Variants in LRRFIP1 observed in about 807,000 individuals in gnomAD.
The protein encoded by LRRFIP1 is LRR binding FLII interacting protein 1, also known as leucine-rich repeat flightless-interacting protein 1.
Under a neutral mutation model 104.4 loss-of-function variants are expected in LRRFIP1, and 62 were observed. The ratio of observed to expected loss-of-function variants is 0.59; its 90% CI spans 0.48 to 0.73. LRRFIP1 has a LOEUF of 0.73. Ranked by LOEUF, LRRFIP1 falls within the 30% of genes least tolerant of loss-of-function variation. The pLI is 0.00. For synonymous variants in LRRFIP1, 300 were observed against 299.0 expected, an observed-to-expected ratio of 1.00 and a Z score of -0.03; for missense variants, 796 against 824.5, an observed-to-expected ratio of 0.97 and a Z score of 0.42.
At chr2:237,686,430 T>A (rs4663783) in intron 1 of LRRFIP1, among the ~76,000 whole-genome samples, 102,269 of 152,212 alleles carry the variant, frequency 0.67, 35,907 homozygotes, top group Middle Eastern at 0.84. Context: ...ATACTGAAGA[T>A]CAATGAGAAT....
chr2:237,751,338 C>T (rs2058606617), intron 14 of LRRFIP1, 67 bp downstream of exon 14: 2 of 1,250,186 alleles, frequency 1.6e-6, no homozygotes, highest in Admixed American at 4.7e-5. Context: ...AAAACAACAT[C>T]CTAAAGAAGA....
Position 237,723,595 on chromosome 2 carries a change from G to T in LRRFIP1, c.384+9G>T, listed in dbSNP as rs1457922461. On this transcript the variant is annotated intron_variant, in intron 7 of 23. Coordinates refer to ENST00000308482, the MANE Select transcript of LRRFIP1 (RefSeq NM_001137550.2). ...GGGGTCCTTACGCCTGGGTGAGATG[G>T]TCGGATATACTTTGCTGTGTGACCT... 6.2e-7 allele frequency: 1 copy of T among 1,613,934 alleles called. No individual in the cohort carries two copies. Among genetic ancestry groups the T allele is most frequent in the East Asian group, 2.2e-5 (1 of 44,884 alleles).
At position 237,758,858 on chromosome 2, in the gene LRRFIP1, GA is replaced by G. The variant is rs3215064; in HGVS notation, c.1317+45del. Reference sequence around the variant, plus strand: ...AACTACAGTTTTATTTAAAAAAAAAGAAAAAAAATCCAGGTGACAACAGCAA... The same window carrying G: ...AACTACAGTTTTATTTAAAAAAAAAGAAAAAAATCCAGGTGACAACAGCAA... On this transcript the variant is annotated intron_variant, in intron 18 of 23. Transcript: ENST00000308482. 6.8e-6 allele frequency: 10 copies of G among 1,475,164 alleles called. No homozygotes were observed. In the African/African-American group the frequency reaches 1.4e-4, roughly 21 times the overall value. 91.4% of individuals were successfully genotyped at this position (1,475,164 alleles called of 1,614,324 possible). A position where few individuals can be genotyped will look rare whatever the true frequency, so the allele number is the denominator to read the frequency against.
intron 10 of LRRFIP1, among the ~76,000 whole-genome samples, chr2:237,736,860 C>T (rs1362690378): frequency 6.8e-4 from 103 of 152,198 alleles, no homozygotes; most frequent in Non-Finnish European, 8.8e-5. Flanking sequence ...CCATCGTTTC[C>T]CTGGAACCCT....
In LRRFIP1 at chr2:237,703,201, A is replaced by AGTCTC; in HGVS notation, c.97-5337_97-5333dup. Among the ~76,000 whole-genome samples the AGTCTC allele has an allele frequency of 6.6e-6, 1 of 152,290 alleles. No individual in the cohort carries two copies. Among genetic ancestry groups the AGTCTC allele is most frequent in the East Asian group, 1.9e-4 (1 of 5,178 alleles). Reference sequence around the variant, plus strand: ...CCTGCAGGCCGTCTGGGGTATGCACAGTCTCGTCTCCTGAGTTCTCTGAAG... The same window carrying AGTCTC: ...CCTGCAGGCCGTCTGGGGTATGCACAGTCTCGTCTCGTCTCCTGAGTTCTCTGAAG... On this transcript the variant is annotated intron_variant, in intron 1 of 23. Coordinates refer to ENST00000308482, the MANE Select transcript of LRRFIP1 (RefSeq NM_001137550.2). This position sits in a 1 kb window ranked among gnomAD's most constrained non-coding sequence, Gnocchi z 4.3.
chr2:237,651,983 G>T (rs35292132), intron 1 of LRRFIP1, among the ~76,000 whole-genome samples: 20,312 of 152,252 alleles, frequency 0.13, 1,870 homozygotes, highest in Non-Finnish European at 0.21. Context: ...AGATTCTGGC[G>T]TACCTTTTGC....
At chr2:237,754,312 GAGAT>G (rs2059015315) in intron 15 of LRRFIP1, among the ~76,000 whole-genome samples, 1 of 152,198 alleles carries the variant, frequency 6.6e-6, no homozygotes, top group African/African-American at 2.4e-5. Context: ...CTCAGAGAGA[GAGAT>G]AGTCTTATCT....
intron 13 of LRRFIP1, among the ~76,000 whole-genome samples, chr2:237,750,146 C>CG (rs1332821678): frequency 4.6e-5 from 7 of 152,030 alleles, no homozygotes; most frequent in Admixed American, 2.6e-4. Context: ...CCAGGGAGGA[C>CG]GGAGAGGGAT....
Position 237,661,635 on chromosome 2 carries a change from C to G in LRRFIP1, c.96+33895C>G, listed in dbSNP as rs187892504. On this transcript the variant is annotated intron_variant, in intron 1 of 23. Transcript: ENST00000308482. This position sits in a 1 kb window ranked among gnomAD's most constrained non-coding sequence, Gnocchi z 4.4. Reference sequence around the variant, plus strand: ...CTGTCGATGGAATTTTTCAGTGATACCTAACATCTGTCCCAGAGCCATGCA... The same window carrying G: ...CTGTCGATGGAATTTTTCAGTGATAGCTAACATCTGTCCCAGAGCCATGCA... Among the ~76,000 whole-genome samples the G allele has an allele frequency of 5.3e-5, 8 of 152,308 alleles. No homozygotes were observed. Among genetic ancestry groups the G allele is most frequent in the Non-Finnish European group, 1.0e-4 (7 of 68,024 alleles).
In LRRFIP1 at chr2:237,720,799, G is replaced by A. The variant is rs1193831587; in HGVS notation, c.322G>A (p.Val108Met). 6.2e-7 allele frequency: 1 copy of A among 1,614,158 alleles called. No homozygotes were observed. The highest frequency in any genetic ancestry group is 1.7e-5 in the Admixed American group (1 of 60,028). Residue 108 changes from valine to methionine, a missense_variant, in exon 6 of 24, where the codon GTG becomes ATG. By Grantham distance (21) the Val-to-Met change is conservative (BLOSUM62 1). Coordinates refer to ENST00000308482, the MANE Select transcript of LRRFIP1 (RefSeq NM_001137550.2). ...TTCTGATGAAGACGAGCGCATGTCA[G>A]TGGGTAGTCGTGGAAGCCTGAGGGT... ...SASDEDERMSVGSRGSLRSQP... is the reference protein window; with the variant it reads ...SASDEDERMSMGSRGSLRSQP...
chr2:237,768,006 T>C (rs1166637806), intron 19 of LRRFIP1, among the ~76,000 whole-genome samples: 5 of 152,214 alleles, frequency 3.3e-5, no homozygotes, highest in African/African-American at 1.2e-4. Context: ...CTCTTAAATA[T>C]TTTTCAACAT....
chr2:237,640,919 G>A (rs908569611), intron 1 of LRRFIP1, among the ~76,000 whole-genome samples: 1 of 152,150 alleles, frequency 6.6e-6, no homozygotes, highest in Admixed American at 6.5e-5. Flanking sequence ...ATCTCAGCCT[G>A]CTGGGATGGG....
chr2:237,636,284 TTCTG>T (rs1387006567), intron 1 of LRRFIP1, among the ~76,000 whole-genome samples: 4 of 151,256 alleles, frequency 2.6e-5, no homozygotes, highest in African/African-American at 7.3e-5. Flanking sequence ...ATTTTTTCTG[TTCTG>T]TCTTACAGTA....
chr2:237,753,504 G>A (rs751692574), intron 15 of LRRFIP1, 25 bp downstream of exon 15: 3 of 1,545,000 alleles, frequency 1.9e-6, no homozygotes, highest in South Asian at 2.5e-5. Context: ...GATACAGAAT[G>A]TTAACAATAG....
At chr2:237,760,297 G>A (rs2059724981) in intron 19 of LRRFIP1, 92 bp downstream of exon 19, 2 of 1,407,290 alleles carry the variant, frequency 1.4e-6, no homozygotes, top group Middle Eastern at 1.8e-4. Context: ...CACCGTCGCT[G>A]ATGGGTTAAC....
intron 1 of LRRFIP1, among the ~76,000 whole-genome samples, chr2:237,680,010 A>G (rs2091629255): frequency 6.6e-6 from 1 of 152,226 alleles, no homozygotes; most frequent in Admixed American, 6.5e-5. Context: ...TAATTTACTG[A>G]AGGACATAGT....
chr2:237,677,404 A>G (rs2091282831), intron 1 of LRRFIP1, among the ~76,000 whole-genome samples: 1 of 152,206 alleles, frequency 6.6e-6, no homozygotes, highest in African/African-American at 2.4e-5. Flanking sequence ...TCCACTATGT[A>G]TCTATACTAC....
rs144448197 is a variant in LRRFIP1, at chr2:237,725,023, G to A, written c.384+1437G>A. Among the ~76,000 whole-genome samples the A allele has an allele frequency of 3.1e-3, 477 of 152,278 alleles. 1 individual carries two copies. Among genetic ancestry groups the A allele is most frequent in the African/African-American group, 0.011 (455 of 41,544 alleles). ...GTGGTCCCATGGGAAGGTCACAGAC[G>A]CTTTGATAACACTGCGTGGTAGCCA... is the stretch of plus-strand genomic sequence containing the variant. On this transcript the variant is annotated intron_variant, in intron 7 of 23. Coordinates refer to ENST00000308482, the MANE Select transcript of LRRFIP1 (RefSeq NM_001137550.2).
rs750569463 is a variant in LRRFIP1 at position 237,636,603 on chromosome 2, TC to T, written c.96+8864del. 1.5e-3 allele frequency among the ~76,000 whole-genome samples: 231 copies of T among 152,334 alleles called. 1 individual carries two copies. Among genetic ancestry groups the T allele is most frequent in the Non-Finnish European group, 1.9e-3 (127 of 68,034 alleles). On this transcript the variant is annotated intron_variant, in intron 1 of 23. Transcript: ENST00000308482. ...TTTGTTCCCTGCATCCTGGTCTGTT[TC>T]TTTTCCTCCTTTGTGTGTTTTGGCC...
Sources: allele counts gnomAD v4.1 joint callset (sites outside exome capture counted in the v4.1 genomes callset), GRCh38; gene constraint gnomAD v4.1.1; non-coding constraint Gnocchi (gnomAD v3.1); transcripts MANE v1.5; gene names NCBI Gene and HGNC (gene_info 2026-07-23, HGNC 2026-07-21).